APC: variants seen among roughly 807,000 people sequenced by gnomAD.
APC encodes the protein adenomatous polyposis coli protein.
APC carries 72 observed loss-of-function variants against 247.0 expected under a neutral mutation model. The observed-to-expected ratio is 0.29, with a 90% confidence interval of 0.24 to 0.35. APC has a LOEUF of 0.35. Ranked by LOEUF, APC falls within the 10% of genes least tolerant of loss-of-function variation. The pLI, the probability that APC is intolerant of heterozygous loss-of-function variation, is 1.00. For missense variants in APC, 3,400 were observed against 3,360.7 expected (o/e 1.01, Z -0.29); for synonymous variants, 1,254 against 1,162.5 (o/e 1.08, Z -1.60).
chr5:112,834,088 G>A (rs945491808), intron 14 of APC, among the ~76,000 whole-genome samples: 2 of 151,416 alleles, frequency 1.3e-5, no homozygotes, highest in Non-Finnish European at 2.9e-5. Flanking sequence ...GCAGGCGCGT[G>A]CCACCATACC....
chr5:112,807,182 G>A (rs758028548), intron 8 of APC, among the ~76,000 whole-genome samples: 13 of 151,576 alleles, frequency 8.6e-5, no homozygotes, highest in Non-Finnish European at 1.6e-4. Context: ...AACTACAGGC[G>A]TGCACCACCA....
rs1752508108 is a variant in APC at position 112,737,908 on chromosome 5, G to C, written c.-36G>C. ...TCACTGGAGACAGAATGGAGGTGCT[G>C]CCGGACTCGGAAATGGGGTAGGTGC... On this transcript the variant is annotated 5_prime_UTR_variant, in exon 1 of 16. Coordinates refer to ENST00000257430, the MANE Select transcript of APC (RefSeq NM_000038.6). 1.0e-6 allele frequency: 1 copy of C among 985,660 alleles called. No homozygotes were observed. The highest frequency in any genetic ancestry group is 6.1e-5 in the Admixed American group (1 of 16,272). The allele number at this position is 985,660 out of a possible 1,614,324, so 61.1% of individuals were successfully genotyped here.
intron 1 of APC, among the ~76,000 whole-genome samples, chr5:112,742,251 T>G (rs546999555): frequency 9.8e-5 from 15 of 152,374 alleles, no homozygotes; most frequent in African/African-American, 3.6e-4. Context: ...TATAGTATTC[T>G]ATAGTACCTA....
chr5:112,788,835 A>G (rs1242880473), intron 6 of APC, among the ~76,000 whole-genome samples: 1 of 152,186 alleles, frequency 6.6e-6, no homozygotes, highest in African/African-American at 2.4e-5. Context: ...TCGCCGGTTT[A>G]AGATTCTATA....
rs587781935 is a variant in APC, at chr5:112,840,329, A to G, written c.4735A>G (p.Ile1579Val). The G allele has an allele frequency of 6.2e-7, 1 of 1,614,212 alleles. No homozygotes were observed. Among genetic ancestry groups the G allele is most frequent in the Non-Finnish European group, 8.5e-7 (1 of 1,180,030 alleles). ...DDDIEILEEC[I>V]ISAMPTKSSR... ...TGATATTGAAATACTAGAAGAATGT[A>G]TTATTTCTGCCATGCCAACAAAGTC... The change falls in exon 16 of 16, where the codon ATT becomes GTT. Residue 1579 changes from isoleucine to valine, a missense_variant. Ile to Val is a conservative substitution (Grantham distance 29). Coordinates refer to ENST00000257430, the MANE Select transcript of APC (RefSeq NM_000038.6). This position sits in a 1 kb window ranked among gnomAD's most constrained non-coding sequence, Gnocchi z 4.1.
chr5:112,725,600 CAA>C (rs368015004), intron 1 of APC, among the ~76,000 whole-genome samples: 1 of 138,968 alleles, frequency 7.2e-6, no homozygotes, highest in African/African-American at 2.6e-5. Context: ...CAAAAACATA[CAA>C]AAAAAAAAAA....
rs183453005 is a variant in APC at position 112,784,944 on chromosome 5, C to A, written c.645+4041C>A. Reference sequence around the variant, plus strand: ...GTAGTGTTGGCACACAACTGTAATCCCAGCTGCCTTAAGGAATGCTGAGGT... The same window carrying A: ...GTAGTGTTGGCACACAACTGTAATCACAGCTGCCTTAAGGAATGCTGAGGT... On this transcript the variant is annotated intron_variant, in intron 6 of 15. Transcript: ENST00000257430. Among the ~76,000 whole-genome samples the A allele has an allele frequency of 2.4e-4, 37 of 152,072 alleles. 1 individual carries two copies. In the East Asian group the frequency reaches 7.0e-3, roughly 29 times the overall value.
chr5:112,839,843 A>G lies in APC; in HGVS notation c.4249A>G (p.Ile1417Val), dbSNP rs200166878. Reference protein sequence around the residue: ...SEPCSGMVSGIISPSDLPDSP... With the variant: ...SEPCSGMVSGVISPSDLPDSP... ...ACCATGCAGTGGAATGGTAAGTGGC[A>G]TTATAAGCCCCAGTGATCTTCCAGA... Residue 1417 changes from isoleucine (I) to valine (V), a missense_variant, in exon 16 of 16, where the codon ATT becomes GTT. Ile to Val is a conservative substitution (Grantham distance 29). Transcript: ENST00000257430. This position sits in a 1 kb window ranked among gnomAD's most constrained non-coding sequence, Gnocchi z 5.0. The G allele has an allele frequency of 6.2e-7, 1 of 1,614,116 alleles. No homozygotes were observed. The highest frequency in any genetic ancestry group is 1.7e-5 in the Admixed American group (1 of 60,004).
In APC at chr5:112,841,667, A is replaced by G. The variant is rs2149956325; in HGVS notation, c.6073A>G (p.Ser2025Gly). 3 of 1,613,842 alleles carry G rather than the reference A, an allele frequency of 1.9e-6. No individual in the cohort carries two copies. The highest frequency in any genetic ancestry group is 2.2e-5 in the South Asian group (2 of 91,082). Residue 2025 changes from serine (S) to glycine (G), a missense_variant, in exon 16 of 16, where the codon AGT (serine) becomes GGT (glycine). Ser to Gly is a moderately conservative substitution (Grantham distance 56). Transcript: ENST00000257430. The surrounding 1 kb of genome is among the most constrained non-coding windows in gnomAD (Gnocchi z 4.6). ...TACCCCAGTTTGTTTCTCAAGAAAC[A>G]GTTCTCTCAGTTCTCTTAGTATTGA... ...EDTPVCFSRNSSLSSLSIDSE... is the reference protein window; with the variant it reads ...EDTPVCFSRNGSLSSLSIDSE...
intron 13 of APC, 69 bp downstream of exon 13, chr5:112,828,075 C>T (rs192228714): frequency 6.2e-5 from 83 of 1,348,690 alleles, no homozygotes; most frequent in Non-Finnish European, 8.0e-5. Flanking sequence ...CACTCTGTCA[C>T]CCAGGCTTAG....
chr5:112,750,805 T>TA (rs1754274016), intron 1 of APC, among the ~76,000 whole-genome samples: 1 of 152,102 alleles, frequency 6.6e-6, no homozygotes, highest in Non-Finnish European at 1.5e-5. Context: ...TATCTTTACT[T>TA]AAAAAAATAA....
intron 1 of APC, among the ~76,000 whole-genome samples, chr5:112,742,245 G>C (rs1445194410): frequency 6.6e-6 from 1 of 152,094 alleles, no homozygotes; most frequent in African/African-American, 2.4e-5. Context: ...CTGCTCTATA[G>C]TATTCTATAG....
At chr5:112,744,615 G>A (rs542458294) in intron 1 of APC, among the ~76,000 whole-genome samples, 2 of 152,296 alleles carry the variant, frequency 1.3e-5, no homozygotes, top group East Asian at 1.9e-4. Flanking sequence ...ACTGAGCTGG[G>A]CCTTAAAGGA....
intron 2 of APC, among the ~76,000 whole-genome samples, chr5:112,761,877 T>G (rs1485089887): frequency 1.3e-5 from 2 of 152,180 alleles, no homozygotes; most frequent in Non-Finnish European, 2.9e-5. Flanking sequence ...CATAAAAATG[T>G]ATAAGATAAA....
Position 112,787,949 on chromosome 5 carries a change from A to C in APC, c.646-4497A>C, listed in dbSNP as rs528939808. On this transcript the variant is annotated intron_variant, in intron 6 of 15. Coordinates refer to ENST00000257430, the MANE Select transcript of APC (RefSeq NM_000038.6). ...TTATATATGTGTGTATGTGTATTAT[A>C]CATGCACATGATTTATACATGTGTG... 1.7e-4 allele frequency among the ~76,000 whole-genome samples: 26 copies of C among 152,134 alleles called. No individual in the cohort carries two copies. The South Asian group carries it at 5.0e-3, about 29-fold the overall frequency.
intron 5 of APC, 62 bp downstream of exon 5, chr5:112,775,799 A>G: frequency 2.2e-6 from 2 of 898,446 alleles, no homozygotes; most frequent in Non-Finnish European, 3.5e-6. Context: ...TAAAGTACCT[A>G]GGTAATCCAT....
At chr5:112,783,629 C>A (rs1338270689) in intron 6 of APC, 16 of 155,506 alleles carry the variant, frequency 1.0e-4, no homozygotes, top group South Asian at 1.0e-3. Flanking sequence ...CCTGCCTCTA[C>A]CAAAAAAAAA....
intron 4 of APC, among the ~76,000 whole-genome samples, chr5:112,773,907 A>G (rs1370101813): frequency 6.6e-6 from 1 of 152,246 alleles, no homozygotes; most frequent in African/African-American, 2.4e-5. Context: ...AACCAGTGAT[A>G]CACCATTTAA....
chr5:112,708,024 TC>T, intron 1 of APC: 1 of 889,290 alleles, frequency 1.1e-6, no homozygotes, highest in Non-Finnish European at 1.5e-6. Flanking sequence ...CTCCCCGCAC[TC>T]CCCATTCAGG....
Sources: gnomAD v4.1 joint callset for allele counts (sites outside exome capture counted in the v4.1 genomes callset) on GRCh38, gnomAD v4.1.1 for gene constraint, Gnocchi (gnomAD v3.1) non-coding constraint, MANE v1.5 for transcripts, NCBI Gene and HGNC (gene_info 2026-07-23, HGNC 2026-07-21) for gene names.